Variants in TMEM179 observed in about 807,000 individuals in gnomAD.
The protein encoded by TMEM179 is transmembrane protein 179A.
TMEM179 carries 17 observed loss-of-function variants against 22.2 expected under a neutral mutation model. The observed-to-expected ratio is 0.77, with a 90% CI of 0.52 to 1.15. The LOEUF is 1.15. Ranked by LOEUF, TMEM179 falls within the 50% of genes most tolerant of loss-of-function variation. The pLI is 0.00. For synonymous variants in TMEM179, 127 were observed against 140.5 expected (o/e 0.90, Z 0.68); for missense variants, 265 against 313.6 (o/e 0.84, Z 1.17).
chr14:104,593,764 T>G, intron 3 of TMEM179, 106 bp from the exon 4 acceptor site: 1 of 1,299,410 alleles, frequency 7.7e-7, no homozygotes, highest in Non-Finnish European at 1.0e-6. Context: ...AGGACAGGAC[T>G]CAGAGGAAGG....
At chr14:104,596,873 C>G in intron 2 of TMEM179, 117 bp downstream of exon 2, 1 of 1,358,594 alleles carries the variant, frequency 7.4e-7, no homozygotes, top group African/African-American at 1.4e-5. Context: ...CACAGTGGGA[C>G]CAGGGACCGC....
Position 104,594,420 on chromosome 14 carries a change from TGCTG to T in TMEM179, c.522+741_522+744del, listed in dbSNP as rs1225676596. The T allele has an allele frequency of 1.1e-5, 14 of 1,231,722 alleles. No homozygotes were observed. The East Asian group carries it at 4.4e-4, about 39-fold the overall frequency. 76.3% of individuals were successfully genotyped at this position (1,231,722 alleles called of 1,614,324 possible). On this transcript the variant is annotated intron_variant, in intron 3 of 3. Coordinates refer to ENST00000556573, the MANE Select transcript of TMEM179 (RefSeq NM_001286389.2). ...CCTGAAGCCAGCGGGCCCTGATCAG[TGCTG>T]GCAGGAGCCAGGTGTCTGGTCTCAG...
At chr14:104,594,905 G>A in intron 3 of TMEM179, 10 of 1,018,876 alleles carry the variant, frequency 9.8e-6, no homozygotes, top group Middle Eastern at 4.5e-4. Flanking sequence ...TCCCACCCCA[G>A]ACCCCAGGGC....
In TMEM179 at chr14:104,597,395, C is replaced by T. The variant is rs748490823; in HGVS notation, c.306-268G>A. ...TCACACCTTCCCAAAGACCCAGGAC[C>T]TGGAACCCTGGTCCCCACCATTTCA... On this transcript the variant is annotated intron_variant, in intron 1 of 3. Coordinates refer to ENST00000556573, the MANE Select transcript of TMEM179 (RefSeq NM_001286389.2). This position sits in a 1 kb window ranked among gnomAD's most constrained non-coding sequence, Gnocchi z 4.8. 1.8e-4 allele frequency among the ~76,000 whole-genome samples: 27 copies of T among 152,166 alleles called. 1 individual carries two copies. Among genetic ancestry groups the T allele is most frequent in the Non-Finnish European group, 3.2e-4 (22 of 68,018 alleles).
rs945139330 is a variant in TMEM179 at position 104,593,319 on chromosome 14, A to C, written c.*160T>G. The C allele has an allele frequency of 3.7e-6, 3 of 814,062 alleles. No homozygotes were observed. In the Admixed American group the frequency reaches 7.4e-5, roughly 20 times the overall value. 50.4% of individuals were successfully genotyped at this position (814,062 alleles called of 1,614,324 possible). On this transcript the variant is annotated 3_prime_UTR_variant, in exon 4 of 4. Transcript: ENST00000556573. ...TCCACTGCCAGGCTCACAGGTGGGC[A>C]CTGGGGCGCTCACCTCACTACACGT... is the stretch of plus-strand genomic sequence containing the variant.
intron 1 of TMEM179, among the ~76,000 whole-genome samples, chr14:104,603,276 C>T (rs989741862): frequency 6.6e-6 from 1 of 151,774 alleles, no homozygotes; most frequent in African/African-American, 2.4e-5. Flanking sequence ...ACAGCGGGGG[C>T]AACAGGAGGG....
At position 104,591,361 on chromosome 14, in the gene TMEM179, G is replaced by T. The variant is rs766835990; in HGVS notation, c.*2118C>A. The T allele has an allele frequency of 2.2e-6, 1 of 455,912 alleles. No homozygotes were observed. Among genetic ancestry groups the T allele is most frequent in the Non-Finnish European group, 4.4e-6 (1 of 226,766 alleles). The allele number at this position is 455,912 out of a possible 1,614,324, so 28.2% of individuals were successfully genotyped here. A position where few individuals can be genotyped will look rare whatever the true frequency, so the allele number is the denominator to read the frequency against. The stretch of plus-strand genomic sequence containing the variant: ...GGCCTGGATCAGGGCTGGGCAGAGG[G>T]TGAGGCAGGAGCCACCCCACCTTCT... On this transcript the variant is annotated 3_prime_UTR_variant, in exon 4 of 4. Transcript: ENST00000556573.
intron 3 of TMEM179, chr14:104,594,253 C>T (rs1886942298): frequency 2.4e-6 from 3 of 1,231,716 alleles, no homozygotes; most frequent in Admixed American, 4.2e-5. Flanking sequence ...GTGTCTTTGA[C>T]AGGTCCAGTT....
In TMEM179 at chr14:104,604,389, C is replaced by A. The variant is rs1202147113; in HGVS notation, c.305+48G>T. 1 of 1,441,512 alleles carries A rather than the reference C, an allele frequency of 6.9e-7. No homozygotes were observed. The highest frequency in any genetic ancestry group is 1.4e-5 in the South Asian group (1 of 69,586). 89.3% of individuals were successfully genotyped at this position (1,441,512 alleles called of 1,614,324 possible). ...CTCCCCGGGGAGGTGGGTCTGGGGG[C>A]GCTGGGGGCATGGAAGGGGCGCCGC... On this transcript the variant is annotated intron_variant, in intron 1 of 3. Coordinates refer to ENST00000556573, the MANE Select transcript of TMEM179 (RefSeq NM_001286389.2). The surrounding 1 kb of genome is among the most constrained non-coding windows in gnomAD (Gnocchi z 4.6).
In TMEM179 at chr14:104,591,608, C is replaced by T. The variant is rs1886847474; in HGVS notation, c.*1871G>A. 2.8e-6 allele frequency: 1 copy of T among 351,932 alleles called. No individual in the cohort carries two copies. Among genetic ancestry groups the T allele is most frequent in the Non-Finnish European group, 5.6e-6 (1 of 178,602 alleles). 21.8% of individuals were successfully genotyped at this position (351,932 alleles called of 1,614,324 possible). A position where few individuals can be genotyped will look rare whatever the true frequency, so the allele number is the denominator to read the frequency against. ...GCCTCGATCCCCCTGGACTTGACAC[C>T]CCCGATGGGCACCTGCCAGCCTCAC... On this transcript the variant is annotated 3_prime_UTR_variant, in exon 4 of 4. Coordinates refer to ENST00000556573, the MANE Select transcript of TMEM179 (RefSeq NM_001286389.2).
At chr14:104,594,767 C>T in intron 3 of TMEM179, 1 of 1,139,102 alleles carries the variant, frequency 8.8e-7, no homozygotes, top group Non-Finnish European at 1.1e-6. Context: ...TCTAAGCCTC[C>T]AGCTCTGATC....
At chr14:104,594,627 C>T (rs1886956322) in intron 3 of TMEM179, 1 of 1,226,904 alleles carries the variant, frequency 8.2e-7, no homozygotes, top group Non-Finnish European at 1.0e-6. Context: ...CCATCGCCCT[C>T]CACCAAGTCT....
intron 2 of TMEM179, 51 bp downstream of exon 2, chr14:104,596,939 G>C: frequency 6.3e-7 from 1 of 1,581,148 alleles, no homozygotes; most frequent in Non-Finnish European, 8.6e-7. Context: ...AGGGTGTCAA[G>C]GGATCTTCCG....
chr14:104,598,280 G>A (rs941405013), intron 1 of TMEM179, among the ~76,000 whole-genome samples: 4 of 152,206 alleles, frequency 2.6e-5, no homozygotes, highest in African/African-American at 9.6e-5. Context: ...ACTTCCTCAC[G>A]GGCGGACACC....
rs185155075 is a variant in TMEM179 at position 104,603,538 on chromosome 14, G to A, written c.305+899C>T. Among the ~76,000 whole-genome samples, 855 of 147,174 alleles carry A rather than the reference G, an allele frequency of 5.8e-3. 41 individuals carry two copies. The highest frequency in any genetic ancestry group is 0.05 in the Admixed American group (739 of 14,776). Reference sequence around the variant, plus strand: ...GTGGGTGGGTTCACAGAGGGAGTGGGTGGGCTCACAGAGGGGGTGGGTGGG... The same window carrying A: ...GTGGGTGGGTTCACAGAGGGAGTGGATGGGCTCACAGAGGGGGTGGGTGGG... On this transcript the variant is annotated intron_variant, in intron 1 of 3. Transcript: ENST00000556573.
chr14:104,594,297 T>G, intron 3 of TMEM179: 3 of 1,231,344 alleles, frequency 2.4e-6, no homozygotes, highest in Non-Finnish European at 3.0e-6. Context: ...CCCACCCATG[T>G]CCAGCACCCT....
rs1223325536 is a variant in TMEM179 at position 104,593,104 on chromosome 14, A to T, written c.*375T>A. On this transcript the variant is annotated 3_prime_UTR_variant, in exon 4 of 4. Coordinates refer to ENST00000556573, the MANE Select transcript of TMEM179 (RefSeq NM_001286389.2). ...AGTGACATCTGGCCACCCCTGGGCC[A>T]GCTGGCATGGAGACAGCATCCGGCC... The T allele has an allele frequency of 1.1e-5, 3 of 284,436 alleles. No individual in the cohort carries two copies. Among genetic ancestry groups the T allele is most frequent in the Non-Finnish European group, 6.6e-6 (1 of 150,686 alleles). The allele number at this position is 284,436 out of a possible 1,614,324, so 17.6% of individuals were successfully genotyped here. A position where few individuals can be genotyped will look rare whatever the true frequency, so the allele number is the denominator to read the frequency against.
chr14:104,603,596 G>C, intron 1 of TMEM179, among the ~76,000 whole-genome samples: 1 of 144,014 alleles, frequency 6.9e-6, no homozygotes, highest in Non-Finnish European at 1.5e-5. Context: ...TCACAGAGGG[G>C]GTGGGTGGAT....
chr14:104,604,757 G>A lies in TMEM179; in HGVS notation c.-16C>T, dbSNP rs372353213. 12 of 1,509,222 alleles carry A rather than the reference G, an allele frequency of 8.0e-6. No individual in the cohort carries two copies. The highest frequency in any genetic ancestry group is 9.7e-6 in the Non-Finnish European group (11 of 1,133,362). The allele number at this position is 1,509,222 out of a possible 1,614,324, so 93.5% of individuals were successfully genotyped here. A position where few individuals can be genotyped will look rare whatever the true frequency, so the allele number is the denominator to read the frequency against. On this transcript the variant is annotated 5_prime_UTR_variant, in exon 1 of 4. Transcript: ENST00000556573. This position sits in a 1 kb window ranked among gnomAD's most constrained non-coding sequence, Gnocchi z 4.6. ...TGAGCGCCATGGCCGGCCCGGGCGA[G>A]AGCGGCGGCGGGAAGGCCGCGGGAG...
Sources: allele counts gnomAD v4.1 joint callset (sites outside exome capture counted in the v4.1 genomes callset), GRCh38; gene constraint gnomAD v4.1.1; non-coding constraint Gnocchi (gnomAD v3.1); transcripts MANE v1.5; gene names NCBI Gene and HGNC (gene_info 2026-07-23, HGNC 2026-07-21).